Variants in USP15 observed in about 807,000 individuals in gnomAD.
The protein encoded by USP15 is ubiquitin specific peptidase 15, also known as ubiquitin carboxyl-terminal hydrolase 15.
Under a neutral mutation model 127.1 loss-of-function variants are expected in USP15, and 18 were observed. That is an observed-to-expected ratio of 0.14 (90% CI 0.10 to 0.21). The LOEUF is 0.21. Ranked by LOEUF, USP15 falls within the 10% of genes least tolerant of loss-of-function variation. The probability of loss-of-function intolerance (pLI) is 1.00; values close to 1 mark genes in which losing one functional copy is unlikely to be tolerated. For synonymous variants in USP15, 364 were observed against 393.7 expected (o/e 0.92, Z 0.89); for missense variants, 805 against 1,159.9 (o/e 0.69, Z 4.44).
intron 6 of USP15, among the ~76,000 whole-genome samples, chr12:62,342,196 C>T (rs2065667869): frequency 6.6e-6 from 1 of 151,918 alleles, no homozygotes; most frequent in Non-Finnish European, 1.5e-5. Context: ...TCCGCTTGAT[C>T]GATTGAGCTA....
rs757857807 is a variant in USP15, at chr12:62,383,851, A to T, written c.1101A>T (p.Gly367=). Reference sequence around the variant, plus strand: ...TGCATTTCTTACAGACACAGGTAGGACGTTTTGCACCTCAGTTCTCTGGAT... The same window carrying T: ...TGCATTTCTTACAGACACAGGTAGGTCGTTTTGCACCTCAGTTCTCTGGAT... The part of the protein sequence containing the change: ...VTPRAFKTQV[G]RFAPQFSGYQ... Residue 367 remains glycine, a synonymous_variant, in exon 10 of 22, where the codon GGA becomes GGT. Transcript: ENST00000280377. The T allele has an allele frequency of 6.2e-7, 1 of 1,612,186 alleles. No individual in the cohort carries two copies. Among genetic ancestry groups the T allele is most frequent in the Non-Finnish European group, 8.5e-7 (1 of 1,178,788 alleles).
intron 1 of USP15, among the ~76,000 whole-genome samples, chr12:62,263,699 T>G (rs745726234): frequency 3.3e-5 from 5 of 152,304 alleles, no homozygotes; most frequent in South Asian, 2.1e-4. Flanking sequence ...CTGATTTGTA[T>G]AAGGAATAAA....
chr12:62,373,149 G>T (rs1196856292), intron 8 of USP15, among the ~76,000 whole-genome samples: 4 of 151,220 alleles, frequency 2.6e-5, no homozygotes, highest in African/African-American at 9.7e-5. Context: ...ATTTTTTTTG[G>T]CTTTCAATAT....
chr12:62,311,298 A>T (rs1330625535), intron 3 of USP15, among the ~76,000 whole-genome samples: 1 of 151,880 alleles, frequency 6.6e-6, no homozygotes, highest in East Asian at 1.9e-4. Context: ...AAGAAGACTT[A>T]ATGAATTAAT....
At chr12:62,299,882 A>G (rs901717868) in intron 2 of USP15, among the ~76,000 whole-genome samples, 2 of 152,060 alleles carry the variant, frequency 1.3e-5, no homozygotes, top group Non-Finnish European at 2.9e-5. Context: ...GTGGTATCTC[A>G]TTGTGATTTT....
intron 8 of USP15, among the ~76,000 whole-genome samples, chr12:62,364,704 C>T (rs1014820305): frequency 1.3e-5 from 2 of 152,014 alleles, no homozygotes; most frequent in Non-Finnish European, 2.9e-5. Flanking sequence ...AATGCTATCC[C>T]TTCTCTAGCC....
intron 5 of USP15, among the ~76,000 whole-genome samples, chr12:62,322,504 A>G (rs554777780): frequency 9.5e-4 from 135 of 142,352 alleles, no homozygotes; most frequent in African/African-American, 3.5e-3. Context: ...TACTGATTCT[A>G]TCTTCTAACT....
chr12:62,364,426 A>G (rs1413019825), intron 8 of USP15, among the ~76,000 whole-genome samples: 1 of 152,204 alleles, frequency 6.6e-6, no homozygotes, highest in Non-Finnish European at 1.5e-5. Context: ...ATGGTGCATA[A>G]AACAGATGCC....
At chr12:62,276,671 C>A (rs1488653952) in intron 1 of USP15, among the ~76,000 whole-genome samples, 1 of 152,034 alleles carries the variant, frequency 6.6e-6, no homozygotes, top group African/African-American at 2.4e-5. Context: ...TACCGTATAT[C>A]AGAATCACAT....
At chr12:62,283,234 G>C (rs779978295) in intron 1 of USP15, among the ~76,000 whole-genome samples, 24 of 152,254 alleles carry the variant, frequency 1.6e-4, no homozygotes, top group Non-Finnish European at 3.1e-4. Flanking sequence ...GAAGAGTACA[G>C]GAGAAAAAGC....
intron 8 of USP15, among the ~76,000 whole-genome samples, chr12:62,370,048 T>C (rs2066612191): frequency 6.6e-6 from 1 of 152,110 alleles, no homozygotes; most frequent in South Asian, 2.1e-4. Flanking sequence ...AATCTCAGCT[T>C]ACTGCAACCT....
chr12:62,399,192 C>T (rs1300841261), intron 20 of USP15, among the ~76,000 whole-genome samples: 1 of 152,128 alleles, frequency 6.6e-6, no homozygotes, highest in Non-Finnish European at 1.5e-5. Flanking sequence ...TCACCCAGCA[C>T]CAGGTTTACT....
chr12:62,404,543 A>C lies in USP15; in HGVS notation c.*168A>C, dbSNP rs2067806686. ...TTGTGCAGTACTTGAAGTGAAACAC[A>C]ATGAAAACTTTAACAGAAATTGTCT... On this transcript the variant is annotated 3_prime_UTR_variant, in exon 22 of 22. Transcript: ENST00000280377. 1 of 941,432 alleles carries C rather than the reference A, an allele frequency of 1.1e-6. No individual in the cohort carries two copies. The highest frequency in any genetic ancestry group is 4.0e-5 in the Admixed American group (1 of 25,196). 58.3% of individuals were successfully genotyped at this position (941,432 alleles called of 1,614,324 possible). A position where few individuals can be genotyped will look rare whatever the true frequency, so the allele number is the denominator to read the frequency against.
chr12:62,286,654 A>G (rs1045704773), intron 1 of USP15, among the ~76,000 whole-genome samples: 1 of 152,156 alleles, frequency 6.6e-6, no homozygotes, highest in African/African-American at 2.4e-5. Context: ...AATGTGATAC[A>G]TGGCCGGGCG....
At chr12:62,343,725 A>G (rs1226906882) in intron 6 of USP15, among the ~76,000 whole-genome samples, 1 of 152,082 alleles carries the variant, frequency 6.6e-6, no homozygotes, top group Non-Finnish European at 1.5e-5. Flanking sequence ...TGTGGGTTGT[A>G]CCCACTACCT....
intron 1 of USP15, among the ~76,000 whole-genome samples, chr12:62,284,210 TC>T (rs1207702686): frequency 1.3e-5 from 2 of 152,216 alleles, no homozygotes; most frequent in Non-Finnish European, 2.9e-5. Flanking sequence ...GTAATGTACT[TC>T]CAATCAAAAT....
At chr12:62,404,145 C>A in intron 21 of USP15, 48 bp from the exon 22 acceptor site, 1 of 1,500,608 alleles carries the variant, frequency 6.7e-7, no homozygotes, top group Non-Finnish European at 8.9e-7. Context: ...ATGTATTTAA[C>A]GTGATCTTTG....
chr12:62,337,261 T>C (rs965884813), intron 6 of USP15, among the ~76,000 whole-genome samples: 12 of 152,116 alleles, frequency 7.9e-5, no homozygotes, highest in African/African-American at 2.9e-4. Context: ...AACCTCTGCT[T>C]GATAGCTGTA....
chr12:62,396,313 A>G lies in USP15; in HGVS notation c.2589A>G (p.Glu863=). Residue 863 remains glutamate (E), a synonymous_variant, in exon 20 of 22, where the codon GAA becomes GAG. Transcript: ENST00000280377. The part of the protein sequence containing the change: ...DFPINDLDMS[E]FLINPNAGPC... Reference sequence around the variant, plus strand: ...TAAACAGTGACTTGGATATGTCGGAATTCTTAATTAATCCAAATGCAGGTC... The same window carrying G: ...TAAACAGTGACTTGGATATGTCGGAGTTCTTAATTAATCCAAATGCAGGTC... The G allele has an allele frequency of 6.3e-7, 1 of 1,585,026 alleles. No individual in the cohort carries two copies.
Sources: gnomAD v4.1 joint callset for allele counts (sites outside exome capture counted in the v4.1 genomes callset) on GRCh38, gnomAD v4.1.1 for gene constraint, MANE v1.5 for transcripts, NCBI Gene and HGNC (gene_info 2026-07-23, HGNC 2026-07-21) for gene names.